TPH2: variants seen among roughly 807,000 people sequenced by gnomAD.
TPH2 encodes the protein tryptophan 5-hydroxylase 2.
TPH2 carries 27 observed loss-of-function variants against 59.1 expected under a neutral mutation model. The ratio of observed to expected loss-of-function variants is 0.46; its 90% CI spans 0.34 to 0.63. The LOEUF is 0.63. Ranked by LOEUF, TPH2 falls within the 30% of genes least tolerant of loss-of-function variation. The probability of loss-of-function intolerance (pLI) is 0.01; values close to 1 mark genes in which losing one functional copy is unlikely to be tolerated. For synonymous variants in TPH2, 220 were observed against 210.5 expected, an observed-to-expected ratio of 1.05 and a Z score of -0.39; for missense variants, 523 against 588.3, an observed-to-expected ratio of 0.89 and a Z score of 1.15.
At chr12:72,001,594 T>A (rs1020511735) in intron 8 of TPH2, among the ~76,000 whole-genome samples, 6 of 152,056 alleles carry the variant, frequency 3.9e-5, no homozygotes, top group Non-Finnish European at 8.8e-5. Flanking sequence ...ATTTTTGTAT[T>A]TTTAGTAGAG....
chr12:71,967,790 C>G (rs1247347618), intron 5 of TPH2, among the ~76,000 whole-genome samples: 2 of 152,200 alleles, frequency 1.3e-5, no homozygotes, highest in African/African-American at 4.8e-5. Flanking sequence ...TGCTGGGAAG[C>G]AAGTTCCTTA....
intron 5 of TPH2, among the ~76,000 whole-genome samples, chr12:71,951,724 G>A (rs1168855869): frequency 2.0e-5 from 3 of 151,702 alleles, no homozygotes; most frequent in Non-Finnish European, 4.4e-5. Context: ...GTGTGTGTGT[G>A]TATAAAATGA....
chr12:72,015,657 G>A lies in TPH2; in HGVS notation c.1069-6742G>A, dbSNP rs117811220. On this transcript the variant is annotated intron_variant, in intron 8 of 10. Transcript: ENST00000333850. ...TCTGCACTTAACCAAAGCTACAGCCGCTGATGTTAGAACATCTTTGAGTGA... is the reference window on the plus strand; with the variant it reads ...TCTGCACTTAACCAAAGCTACAGCCACTGATGTTAGAACATCTTTGAGTGA... 7.1e-4 allele frequency among the ~76,000 whole-genome samples: 108 copies of A among 152,186 alleles called. 2 individuals carry two copies. In the East Asian group the frequency reaches 0.021, roughly 29 times the overall value.
chr12:71,955,355 G>A (rs576784652), intron 5 of TPH2, among the ~76,000 whole-genome samples: 3 of 152,268 alleles, frequency 2.0e-5, no homozygotes, highest in African/African-American at 7.2e-5. Flanking sequence ...GCTATACAAT[G>A]TACTTTGTTA....
At chr12:72,012,451 G>A (rs746437779) in intron 8 of TPH2, among the ~76,000 whole-genome samples, 6 of 152,230 alleles carry the variant, frequency 3.9e-5, no homozygotes, top group South Asian at 4.1e-4. Context: ...AGCAGGATCA[G>A]TCTGTGCAAT....
intron 4 of TPH2, 141 bp from the exon 5 acceptor site, chr12:71,949,443 TTCTG>T (rs1871284791): frequency 3.0e-6 from 2 of 661,598 alleles, no homozygotes; most frequent in South Asian, 3.4e-5. Flanking sequence ...CACAATTTGT[TTCTG>T]TCTGTGTCAT....
intron 5 of TPH2, among the ~76,000 whole-genome samples, chr12:71,952,151 C>G (rs1172917082): frequency 6.6e-6 from 1 of 152,048 alleles, no homozygotes; most frequent in African/African-American, 2.4e-5. Flanking sequence ...ATGGAGAGGA[C>G]AGAAAATGAG....
chr12:71,997,795 A>G (rs945295819), intron 8 of TPH2, among the ~76,000 whole-genome samples: 8 of 152,220 alleles, frequency 5.3e-5, no homozygotes, highest in African/African-American at 1.9e-4. Context: ...TCTTCAAGAA[A>G]GTCACAGTCT....
intron 5 of TPH2, among the ~76,000 whole-genome samples, chr12:71,957,804 C>A (rs540555210): frequency 6.6e-6 from 1 of 152,324 alleles, no homozygotes; most frequent in South Asian, 2.1e-4. Context: ...AAATTGCCCC[C>A]TCAAAGGCCT....
intron 5 of TPH2, among the ~76,000 whole-genome samples, chr12:71,953,378 G>T (rs181614704): frequency 6.6e-6 from 1 of 152,176 alleles, no homozygotes; most frequent in East Asian, 1.9e-4. Context: ...GGATAAGAGA[G>T]AGACAGTCCT....
chr12:71,973,587 A>G (rs1165005081), intron 6 of TPH2, among the ~76,000 whole-genome samples: 2 of 152,198 alleles, frequency 1.3e-5, no homozygotes, highest in Admixed American at 6.5e-5. Flanking sequence ...CATATAATCA[A>G]GAAGTAACCA....
intron 8 of TPH2, among the ~76,000 whole-genome samples, chr12:72,003,323 T>C (rs977626143): frequency 3.3e-5 from 5 of 152,230 alleles, no homozygotes; most frequent in African/African-American, 1.2e-4. Flanking sequence ...GAATGCACTT[T>C]TATACATTCT....
chr12:71,939,074 C>A lies in TPH2; in HGVS notation c.88C>A (p.Leu30Ile). Residue 30 changes from leucine (L) to isoleucine (I), a missense_variant, in exon 1 of 11, where the codon CTA becomes ATA. Leu to Ile is a conservative substitution (Grantham distance 5). Transcript: ENST00000333850. The stretch of plus-strand genomic sequence containing the variant: ...TTCAGCAGTGCCCGAAGAGCATCAG[C>A]TACTTGGCAGCTCAACAGTGAGTAC... Reference protein sequence around the residue: ...LDSAVPEEHQLLGSSTLNKPN... With the variant: ...LDSAVPEEHQILGSSTLNKPN... The A allele has an allele frequency of 6.2e-7, 1 of 1,613,970 alleles. No homozygotes were observed. The highest frequency in any genetic ancestry group is 8.5e-7 in the Non-Finnish European group (1 of 1,179,928).
chr12:71,940,553 A>G (rs960028275), intron 1 of TPH2, among the ~76,000 whole-genome samples: 2 of 152,232 alleles, frequency 1.3e-5, no homozygotes, highest in African/African-American at 4.8e-5. Flanking sequence ...ACCATTTGCC[A>G]GGAGTTACTT....
intron 2 of TPH2, among the ~76,000 whole-genome samples, chr12:71,942,581 C>G (rs1036979912): frequency 2.0e-5 from 3 of 152,162 alleles, no homozygotes; most frequent in African/African-American, 7.2e-5. Context: ...CTTGGCTAAA[C>G]ACTAGCTGCT....
Position 72,031,605 on chromosome 12 carries a change from A to G in TPH2, c.1383A>G (p.Arg461=). The change falls in exon 11 of 11, where the codon AGA becomes AGG. Residue 461 remains arginine (R), a synonymous_variant. Coordinates refer to ENST00000333850, the MANE Select transcript of TPH2 (RefSeq NM_173353.4). The stretch of plus-strand genomic sequence containing the variant: ...GTATTGAAATTCTGAAAGACACCAG[A>G]AGTATTGAAAATGTGGTGCAGGACC... ...TQSIEILKDT[R]SIENVVQDLR... is the part of the protein sequence containing the mutation. 1 of 1,613,600 alleles carries G rather than the reference A, an allele frequency of 6.2e-7. No individual in the cohort carries two copies.
chr12:72,022,609 A>C (rs1420705943), intron 9 of TPH2, 115 bp downstream of exon 9: 1 of 915,854 alleles, frequency 1.1e-6, no homozygotes, highest in East Asian at 2.5e-5. Flanking sequence ...AATATTTAAC[A>C]TAGAGGATTT....
intron 4 of TPH2, among the ~76,000 whole-genome samples, chr12:71,948,304 A>G (rs927275946): frequency 5.3e-5 from 8 of 152,142 alleles, no homozygotes; most frequent in Non-Finnish European, 1.2e-4. Context: ...CCCAATTCAC[A>G]GTAAAAGAAA....
At chr12:71,965,414 T>A (rs1197535248) in intron 5 of TPH2, 1 of 152,214 alleles carries the variant, frequency 6.6e-6, no homozygotes, top group Non-Finnish European at 1.5e-5. Flanking sequence ...AGTGTATAAG[T>A]GTTTCCTTTT....
Sources: gnomAD v4.1 joint callset for allele counts (sites outside exome capture counted in the v4.1 genomes callset) on GRCh38, gnomAD v4.1.1 for gene constraint, MANE v1.5 for transcripts, NCBI Gene and HGNC (gene_info 2026-07-23, HGNC 2026-07-21) for gene names.